Variants in CTNNA2 observed in about 807,000 individuals in gnomAD.
The protein encoded by CTNNA2 is catenin alpha-2.
In CTNNA2, 42 loss-of-function variants were observed where a neutral mutation model predicts 101.0. The ratio of observed to expected loss-of-function variants is 0.42; its 90% CI spans 0.32 to 0.54. CTNNA2 has a LOEUF of 0.54. Ranked by LOEUF, CTNNA2 falls within the 20% of genes least tolerant of loss-of-function variation. CTNNA2 has a pLI of 0.14. For missense variants in CTNNA2, 871 were observed against 1,223.1 expected (o/e 0.71, Z 4.29); for synonymous variants, 450 against 456.4 (o/e 0.99, Z 0.18).
At chr2:80,630,257 C>CAAGAGTATTGAAGTTAA (rs1357336711) in intron 18 of CTNNA2, among the ~76,000 whole-genome samples, 1 of 152,154 alleles carries the variant, frequency 6.6e-6, no homozygotes, top group African/African-American at 2.4e-5. Context: ...TTTTTACAAA[C>CAAGAGTATTGAAGTTAA]AAGAGTATTG....
At chr2:79,589,611 A>G (rs1307734392) in intron 1 of CTNNA2, among the ~76,000 whole-genome samples, 1 of 152,162 alleles carries the variant, frequency 6.6e-6, no homozygotes, top group African/African-American at 2.4e-5. Flanking sequence ...ATGATAAAGA[A>G]GAAAGTGAAT....
intron 3 of CTNNA2, among the ~76,000 whole-genome samples, chr2:79,353,562 T>C (rs1345294914): frequency 6.6e-6 from 1 of 152,208 alleles, no homozygotes; most frequent in African/African-American, 2.4e-5. Context: ...GTGAGTGTCA[T>C]TGCATGTGGA....
At chr2:80,443,046 A>G (rs1433973137) in intron 9 of CTNNA2, among the ~76,000 whole-genome samples, 2 of 152,152 alleles carry the variant, frequency 1.3e-5, no homozygotes, top group African/African-American at 2.4e-5. Flanking sequence ...AGGATCTGCA[A>G]TTGGTGGAAA....
At chr2:80,123,222 GTTCTT>G (rs768194478) in intron 7 of CTNNA2, among the ~76,000 whole-genome samples, 46 of 152,098 alleles carry the variant, frequency 3.0e-4, no homozygotes, top group Non-Finnish European at 5.9e-4. Context: ...CAAGCATTTC[GTTCTT>G]TTCTTATTTT....
intron 3 of CTNNA2, among the ~76,000 whole-genome samples, chr2:79,778,851 A>C (rs1674208698): frequency 6.6e-6 from 1 of 150,612 alleles, no homozygotes; most frequent in South Asian, 2.1e-4. Context: ...AGTTTGAAAA[A>C]TCAAAGTTAT....
chr2:79,211,259 A>G (rs2104200405), intron 2 of CTNNA2, among the ~76,000 whole-genome samples: 1 of 152,286 alleles, frequency 6.6e-6, no homozygotes, highest in Middle Eastern at 3.4e-3. Flanking sequence ...AGTCTCCGGC[A>G]CACTGTACAA....
At chr2:79,476,828 C>T (rs1313731796) in intron 4 of CTNNA2, among the ~76,000 whole-genome samples, 1 of 152,214 alleles carries the variant, frequency 6.6e-6, no homozygotes, top group Non-Finnish European at 1.5e-5. Flanking sequence ...CCCATGGGTA[C>T]ACTCATCTGT....
At chr2:80,364,386 C>CA (rs1408013123) in intron 7 of CTNNA2, among the ~76,000 whole-genome samples, 3 of 151,968 alleles carry the variant, frequency 2.0e-5, no homozygotes, top group African/African-American at 4.8e-5. Flanking sequence ...TTTCTCCTTT[C>CA]CCTTTTTAAA....
intron 1 of CTNNA2, among the ~76,000 whole-genome samples, chr2:79,545,209 A>G (rs991399900): frequency 3.3e-5 from 5 of 152,182 alleles, no homozygotes; most frequent in Admixed American, 6.6e-5. Flanking sequence ...GTGATTATTC[A>G]GAAAGTTATA....
At chr2:80,104,978 G>A (rs1700789174) in intron 7 of CTNNA2, among the ~76,000 whole-genome samples, 1 of 152,216 alleles carries the variant, frequency 6.6e-6, no homozygotes, top group Admixed American at 6.5e-5. Context: ...CAGAATGGAT[G>A]ATGGTAAACT....
chr2:79,290,597 C>A (rs1370069705), intron 2 of CTNNA2, among the ~76,000 whole-genome samples: 1 of 152,138 alleles, frequency 6.6e-6, no homozygotes, highest in Non-Finnish European at 1.5e-5. Context: ...CAGAAGAACA[C>A]ACAAGCGGCT....
chr2:80,393,159 G>A lies in CTNNA2; in HGVS notation c.1057-52G>A, dbSNP rs13390195. On this transcript the variant is annotated intron_variant, in intron 7 of 18. Coordinates refer to ENST00000402739, the MANE Select transcript of CTNNA2 (RefSeq NM_001282597.3). ...TTCCTGATTTTTTTAAATTTTTAATGTCTCTAACATTGAATATGCTAAATC... is the reference window on the plus strand; with the variant it reads ...TTCCTGATTTTTTTAAATTTTTAATATCTCTAACATTGAATATGCTAAATC... 0.011 allele frequency: 15,169 copies of A among 1,338,158 alleles called. 273 individuals are homozygous for A. Among genetic ancestry groups the A allele is most frequent in the African/African-American group, 0.058 (3,821 of 66,286 alleles). 82.9% of individuals were successfully genotyped at this position (1,338,158 alleles called of 1,614,324 possible).
intron 12 of CTNNA2, among the ~76,000 whole-genome samples, chr2:80,570,677 T>TA (rs769579509): frequency 4.6e-5 from 7 of 152,106 alleles, no homozygotes; most frequent in South Asian, 2.1e-4. Context: ...GCCTCTATTT[T>TA]AAAAATAAAG....
At chr2:80,460,816 G>T (rs1469757356) in intron 9 of CTNNA2, among the ~76,000 whole-genome samples, 1 of 152,066 alleles carries the variant, frequency 6.6e-6, no homozygotes, top group Admixed American at 6.5e-5. Context: ...TCAAACTTTA[G>T]CATGCATCAG....
intron 2 of CTNNA2, among the ~76,000 whole-genome samples, chr2:79,712,475 C>G (rs1685802594): frequency 6.6e-6 from 1 of 152,080 alleles, no homozygotes; most frequent in South Asian, 2.1e-4. Flanking sequence ...GTTTTTTCCT[C>G]TAGCTGTAAC....
In CTNNA2 at chr2:80,165,198, A is replaced by T. The variant is rs374241799; in HGVS notation, c.1057-228013A>T. On this transcript the variant is annotated intron_variant, in intron 7 of 18. Coordinates refer to ENST00000402739, the MANE Select transcript of CTNNA2 (RefSeq NM_001282597.3). Reference sequence around the variant, plus strand: ...ACAGGAATGTCAGATCTTTTATAGTACCATAGGTCCCTAAGGCTTTGTTAA... The same window carrying T: ...ACAGGAATGTCAGATCTTTTATAGTTCCATAGGTCCCTAAGGCTTTGTTAA... Among the ~76,000 whole-genome samples the T allele has an allele frequency of 5.8e-4, 88 of 151,452 alleles. 2 individuals are homozygous for T. The highest frequency in any genetic ancestry group is 2.0e-3 in the African/African-American group (81 of 41,344).
chr2:79,835,898 C>A (rs552844803), intron 3 of CTNNA2, among the ~76,000 whole-genome samples: 3 of 152,024 alleles, frequency 2.0e-5, no homozygotes, highest in African/African-American at 7.2e-5. Context: ...CCCAAAGTGT[C>A]AGAATTACAG....
intron 1 of CTNNA2, among the ~76,000 whole-genome samples, chr2:79,563,773 C>G (rs755377037): frequency 1.3e-5 from 2 of 152,118 alleles, no homozygotes; most frequent in Non-Finnish European, 2.9e-5. Context: ...ACCAAGTATA[C>G]TAGTGCAGCA....
chr2:80,634,915 G>A (rs975476067), intron 18 of CTNNA2, among the ~76,000 whole-genome samples: 1 of 152,154 alleles, frequency 6.6e-6, no homozygotes. Context: ...AGGCATGCAC[G>A]AGGGTCAGGT....
Sources: gnomAD v4.1 joint callset for allele counts (sites outside exome capture counted in the v4.1 genomes callset) on GRCh38, gnomAD v4.1.1 for gene constraint, MANE v1.5 for transcripts, NCBI Gene and HGNC (gene_info 2026-07-23, HGNC 2026-07-21) for gene names.